Variants in SLC30A3 observed in about 807,000 individuals in gnomAD.
SLC30A3 encodes the protein solute carrier family 30 member 3.
A neutral mutation model predicts 35.6 loss-of-function variants in SLC30A3; 20 were observed. That is an observed-to-expected ratio of 0.56 (90% CI 0.39 to 0.82). SLC30A3 has a LOEUF of 0.82. Ranked by LOEUF, SLC30A3 falls within the 40% of genes least tolerant of loss-of-function variation. SLC30A3 has a pLI of 0.00. For missense variants in SLC30A3, 401 were observed against 530.6 expected (o/e 0.76, Z 2.40); for synonymous variants, 217 against 224.7 (o/e 0.97, Z 0.31).
At chr2:27,261,864 C>T (rs915573293) in intron 1 of SLC30A3, 4 of 152,520 alleles carry the variant, frequency 2.6e-5, no homozygotes, top group Admixed American at 6.5e-5. Context: ...TCCCCCAACC[C>T]AGCTTGAAGG....
chr2:27,263,356 C>T (rs973639998), upstream of SLC30A3: 2 of 464,160 alleles, frequency 4.3e-6, no homozygotes, highest in Admixed American at 2.4e-5. Flanking sequence ...CTTCGCCCAA[C>T]GACCACCACT....
chr2:27,264,484 C>G (rs898513327), upstream of SLC30A3, among the ~76,000 whole-genome samples: 7 of 152,214 alleles, frequency 4.6e-5, no homozygotes, highest in African/African-American at 1.4e-4. The surrounding 1 kb of genome is among the most constrained non-coding windows in gnomAD (Gnocchi z 6.1). Flanking sequence ...GCTGTTCCGG[C>G]GGGGGAGAGT....
At chr2:27,275,288 C>T (rs576959197) in exon 1 of SLC30A3, 1 of 1,154,052 alleles carries the variant, frequency 8.7e-7, no homozygotes, top group African/African-American at 1.6e-5. Flanking sequence ...AATCCCTGCC[C>T]CAAGGCCTGG....
upstream of SLC30A3, among the ~76,000 whole-genome samples, chr2:27,265,278 C>T (rs1039550367): frequency 6.6e-6 from 1 of 152,238 alleles, no homozygotes; most frequent in Non-Finnish European, 1.5e-5. This position sits in a 1 kb window ranked among gnomAD's most constrained non-coding sequence, Gnocchi z 5.9. Context: ...CGCCTCGCAG[C>T]GCGTGGCCAA....
chr2:27,260,708 G>C (rs891281023), intron 1 of SLC30A3, among the ~76,000 whole-genome samples: 3 of 152,184 alleles, frequency 2.0e-5, no homozygotes, highest in African/African-American at 7.2e-5. Context: ...CTGCCAAGTG[G>C]GTGAACTGAG....
chr2:27,262,857 C>G lies in SLC30A3; in HGVS notation c.50G>C (p.Ser17Thr), dbSNP rs1429477721. 1.3e-6 allele frequency: 2 copies of G among 1,565,418 alleles called. No individual in the cohort carries two copies. Among genetic ancestry groups the G allele is most frequent in the South Asian group, 2.3e-5 (2 of 86,014 alleles). Residue 17 changes from serine to threonine, a missense_variant, in exon 1 of 8, where the codon AGC becomes ACC. This residue lies in a region of SLC30A3 where 103 missense variants were observed against 120.7 expected (regional missense o/e 0.85). Coordinates refer to ENST00000233535, the MANE Select transcript of SLC30A3 (RefSeq NM_003459.5). The surrounding 1 kb of genome is among the most constrained non-coding windows in gnomAD (Gnocchi z 7.5). The part of the protein sequence containing the change: ...AGGLETTRLV[S>T]PRDRGGAGGS... ...TCCGGCGCCACCGCGGTCCCGGGGG[C>G]TCACCAGGCGAGTGGTCTCCAAGCC... is the stretch of plus-strand genomic sequence containing the variant.
In SLC30A3 at chr2:27,255,374, C is replaced by T; in HGVS notation, c.1105G>A (p.Val369Ile). ...GCCATCTCCGGCTGATACTGCTCGA[C>T]CTGCAGGGTGCAGCTGGAGAATCCA... Reference protein sequence around the residue: ...RFGFSSCTLQVEQYQPEMAQC... With the variant: ...RFGFSSCTLQIEQYQPEMAQC... Residue 369 changes from valine (V) to isoleucine (I), a missense_variant, in exon 8 of 8, where the codon GTC becomes ATC. Coordinates refer to ENST00000233535, the MANE Select transcript of SLC30A3 (RefSeq NM_003459.5). This position sits in a 1 kb window ranked among gnomAD's most constrained non-coding sequence, Gnocchi z 5.2. 1 of 1,614,182 alleles carries T rather than the reference C, an allele frequency of 6.2e-7. No homozygotes were observed. The highest frequency in any genetic ancestry group is 1.1e-5 in the South Asian group (1 of 91,086).
Position 27,254,840 on chromosome 2 carries a change from G to GCCTGT in SLC30A3, c.*471_*472insACAGG. The GCCTGT allele has an allele frequency of 3.3e-6, 1 of 299,210 alleles. No individual in the cohort carries two copies. Among genetic ancestry groups the GCCTGT allele is most frequent in the Non-Finnish European group, 6.5e-6 (1 of 154,290 alleles). The allele number at this position is 299,210 out of a possible 1,614,324, so 18.5% of individuals were successfully genotyped here. ...GCTAAGACACACGGACAAAGTGCGG[G>GCCTGT]CTTTGGGGCCCCTGCATAGACAGAG... is the stretch of plus-strand genomic sequence containing the variant. On this transcript the variant is annotated 3_prime_UTR_variant, in exon 8 of 8. Transcript: ENST00000233535.
At position 27,257,364 on chromosome 2, in the gene SLC30A3, G is replaced by T; in HGVS notation, c.579-12C>A. The T allele has an allele frequency of 6.2e-7, 1 of 1,600,912 alleles. No homozygotes were observed. Among genetic ancestry groups the T allele is most frequent in the Non-Finnish European group, 8.5e-7 (1 of 1,174,016 alleles). On this transcript the variant is annotated splice_polypyrimidine_tract_variant and intron_variant, in intron 4 of 7. Coordinates refer to ENST00000233535, the MANE Select transcript of SLC30A3 (RefSeq NM_003459.5). The surrounding 1 kb of genome is among the most constrained non-coding windows in gnomAD (Gnocchi z 4.7). Reference sequence around the variant, plus strand: ...GCACAAAGGCCATTCTGAGGGGTAAGCAGAGCACCTCAGCCTAGGGCCCTG... The same window carrying T: ...GCACAAAGGCCATTCTGAGGGGTAATCAGAGCACCTCAGCCTAGGGCCCTG...
At chr2:27,268,215 T>G (rs1032026935) in intron 1 of SLC30A3, among the ~76,000 whole-genome samples, 1 of 152,158 alleles carries the variant, frequency 6.6e-6, no homozygotes, top group Non-Finnish European at 1.5e-5. Context: ...AAATATTTGT[T>G]GAAGGTCTTA....
upstream of SLC30A3, among the ~76,000 whole-genome samples, chr2:27,266,909 T>G (rs942354915): frequency 6.6e-6 from 1 of 152,024 alleles, no homozygotes; most frequent in African/African-American, 2.4e-5. Context: ...AATAAATAAA[T>G]AATAAATGTC....
chr2:27,275,810 G>A (rs1053351557), upstream of SLC30A3: 19 of 154,802 alleles, frequency 1.2e-4, no homozygotes, highest in African/African-American at 4.3e-4. Context: ...GGGGTGGTTT[G>A]AGAGCAGGAG....
chr2:27,260,645 T>C (rs971881891), intron 1 of SLC30A3, among the ~76,000 whole-genome samples: 8 of 152,174 alleles, frequency 5.3e-5, no homozygotes, highest in Admixed American at 6.5e-5. Context: ...AGAAATGTGA[T>C]CATAGCAGCA....
Position 27,271,781 on chromosome 2 carries a change from C to T in SLC30A3, c.-159+3396G>A. Among the ~76,000 whole-genome samples the T allele has an allele frequency of 6.6e-6, 1 of 152,236 alleles. No individual in the cohort carries two copies. Among genetic ancestry groups the T allele is most frequent in the East Asian group, 1.9e-4 (1 of 5,196 alleles). ...AGGCCAGGCCGACTGGGCCGTGCTA[C>T]TCCCACCTCTGCAGCTTCCTGGCTG... On this transcript the variant is annotated intron_variant, in intron 1 of 5. Coordinates refer to the SLC30A3 transcript ENST00000424577. The surrounding 1 kb of genome is among the most constrained non-coding windows in gnomAD (Gnocchi z 4.3).
At position 27,262,997 on chromosome 2, in the gene SLC30A3, G is replaced by C; in HGVS notation, c.-91C>G. On this transcript the variant is annotated 5_prime_UTR_variant, in exon 1 of 8. Transcript: ENST00000233535. This position sits in a 1 kb window ranked among gnomAD's most constrained non-coding sequence, Gnocchi z 7.5. Reference sequence around the variant, plus strand: ...AGTCCGAGCAGCCCGCCGACCCCCGGGATCCCCGCAGGGCGGCGGGGCCAC... The same window carrying C: ...AGTCCGAGCAGCCCGCCGACCCCCGCGATCCCCGCAGGGCGGCGGGGCCAC... 1 of 1,419,684 alleles carries C rather than the reference G, an allele frequency of 7.0e-7. No individual in the cohort carries two copies. Among genetic ancestry groups the C allele is most frequent in the South Asian group, 1.5e-5 (1 of 67,998 alleles). The allele number at this position is 1,419,684 out of a possible 1,614,324, so 87.9% of individuals were successfully genotyped here. A position where few individuals can be genotyped will look rare whatever the true frequency, so the allele number is the denominator to read the frequency against.
chr2:27,269,204 C>CTTTTTTT (rs1677624926), intron 1 of SLC30A3, among the ~76,000 whole-genome samples: 1 of 126,870 alleles, frequency 7.9e-6, no homozygotes, highest in Admixed American at 8.3e-5. Context: ...TTTTCTTTTT[C>CTTTTTTT]TTTCTTTTTT....
At chr2:27,272,493 TA>T (rs992680052) in intron 1 of SLC30A3, among the ~76,000 whole-genome samples, 3 of 150,802 alleles carry the variant, frequency 2.0e-5, no homozygotes, top group Admixed American at 6.6e-5. Context: ...GGAAGGCAGC[TA>T]TTTTTTTTTT....
At chr2:27,259,174 T>TA (rs1490433694) in intron 1 of SLC30A3, 15 of 422,130 alleles carry the variant, frequency 3.6e-5, no homozygotes, top group African/African-American at 8.3e-5. Context: ...GAAAGCACCT[T>TA]ACAGACGGTC....
At position 27,262,901 on chromosome 2, in the gene SLC30A3, C is replaced by T; in HGVS notation, c.6G>A (p.Glu2=). The part of the protein sequence containing the change: M[E]PSPAAGGLET... ...CCAAGCCCCCAGCGGCTGGAGAGGGCTCCATGTTCCCGGTGCCCCGACCGT... is the reference window on the plus strand; with the variant it reads ...CCAAGCCCCCAGCGGCTGGAGAGGGTTCCATGTTCCCGGTGCCCCGACCGT... The change falls in exon 1 of 8, where the codon GAG becomes GAA. Residue 2 remains glutamate, a synonymous_variant. Transcript: ENST00000233535. The surrounding 1 kb of genome is among the most constrained non-coding windows in gnomAD (Gnocchi z 7.5). 2 of 1,557,592 alleles carry T rather than the reference C, an allele frequency of 1.3e-6. No homozygotes were observed. The highest frequency in any genetic ancestry group is 2.6e-5 in the East Asian group (1 of 39,036).
Sources: gnomAD v4.1 joint callset for allele counts (sites outside exome capture counted in the v4.1 genomes callset) on GRCh38, gnomAD v4.1.1 for gene constraint, gnomAD v4.1.1 regional missense constraint, Gnocchi (gnomAD v3.1) non-coding constraint, MANE v1.5 for transcripts, NCBI Gene and HGNC (gene_info 2026-07-23, HGNC 2026-07-21) for gene names.